Variants in PRAG1 observed in about 807,000 individuals in gnomAD.
The protein encoded by PRAG1 is inactive tyrosine-protein kinase PRAG1.
PRAG1 carries 110 observed loss-of-function variants against 95.6 expected under a neutral mutation model. That is an observed-to-expected ratio of 1.15 (90% confidence interval 0.99 to 1.35). The LOEUF is 1.35. Among genes scored for constraint, PRAG1 ranks in the 40% most tolerant of loss-of-function variants. The pLI is 0.00. For synonymous variants in PRAG1, 1,052 were observed against 819.4 expected (o/e 1.28, Z -4.85); for missense variants, 2,554 against 1,864.7 (o/e 1.37, Z -6.81).
intron 4 of PRAG1, among the ~76,000 whole-genome samples, chr8:8,330,899 G>A (rs1006617674): frequency 2.0e-5 from 3 of 152,190 alleles, no homozygotes; most frequent in Admixed American, 6.5e-5. Context: ...ACCTACTTAT[G>A]AGGCTCTCAA....
chr8:8,323,159 A>G (rs1207094598), intron 5 of PRAG1, among the ~76,000 whole-genome samples: 1 of 152,180 alleles, frequency 6.6e-6, no homozygotes, highest in Non-Finnish European at 1.5e-5. Context: ...AGCTGGAAAC[A>G]TGCACATTGG....
At chr8:8,367,407 G>A (rs1008153054) in intron 3 of PRAG1, among the ~76,000 whole-genome samples, 3 of 120,822 alleles carry the variant, frequency 2.5e-5, no homozygotes, top group African/African-American at 9.5e-5. Context: ...GCAGTGAGCT[G>A]AGGTCGTGCC....
At chr8:8,359,241 C>G (rs548889559) in intron 3 of PRAG1, among the ~76,000 whole-genome samples, 1 of 152,186 alleles carries the variant, frequency 6.6e-6, no homozygotes, top group East Asian at 1.9e-4. Context: ...CTTAATTGCT[C>G]TGATTGAATT....
intron 3 of PRAG1, among the ~76,000 whole-genome samples, chr8:8,346,217 C>T (rs771365462): frequency 1.3e-5 from 2 of 152,238 alleles, no homozygotes; most frequent in Non-Finnish European, 2.9e-5. Flanking sequence ...CTGGTGCAAA[C>T]CATCTGCAAA....
chr8:8,380,822 C>T (rs1419354938), intron 2 of PRAG1, among the ~76,000 whole-genome samples: 4 of 132,392 alleles, frequency 3.0e-5, no homozygotes, highest in African/African-American at 1.2e-4. Context: ...CACTACACTC[C>T]AGCCTGGACG....
At chr8:8,371,879 A>C (rs1042756902) in intron 3 of PRAG1, among the ~76,000 whole-genome samples, 1 of 152,158 alleles carries the variant, frequency 6.6e-6, no homozygotes, top group Non-Finnish European at 1.5e-5. Context: ...CGAAACACAC[A>C]AAAAACAAAG....
chr8:8,332,227 T>G (rs2117126805), intron 4 of PRAG1, among the ~76,000 whole-genome samples: 1 of 151,042 alleles, frequency 6.6e-6, no homozygotes, highest in South Asian at 2.1e-4. Context: ...AATGGTGGGA[T>G]CTCGGCTCAC....
chr8:8,319,176 C>G lies in PRAG1; in HGVS notation c.3199G>C (p.Asp1067His). The G allele has an allele frequency of 1.9e-6, 3 of 1,602,574 alleles. No homozygotes were observed. In the East Asian group the frequency reaches 6.8e-5, roughly 36 times the overall value. ...SVPSSMLSSP[D>H]APKDPVPALP... ...GCAGGCACAGGGTCCTTGGGCGCGT[C>G]GGGGGAGCTGAGCATGCTGGACGGC... Residue 1067 changes from aspartate to histidine, a missense_variant, in exon 6 of 6, where the codon GAC (aspartate) becomes CAC (histidine). Coordinates refer to ENST00000615670, the MANE Select transcript of PRAG1 (RefSeq NM_001080826.3).
intron 4 of PRAG1, among the ~76,000 whole-genome samples, chr8:8,336,908 T>TCCCCCCCCCCCCCCCCCCCC (rs1214780667): frequency 2.0e-5 from 1 of 49,032 alleles, no homozygotes; most frequent in African/African-American, 1.3e-4. Flanking sequence ...CACACCCCTT[T>TCCCCCCCCCCCCCCCCCCCC]CCCCCCTCCC....
At chr8:8,350,109 T>C (rs1379470795) in intron 3 of PRAG1, among the ~76,000 whole-genome samples, 3 of 152,214 alleles carry the variant, frequency 2.0e-5, no homozygotes, top group Non-Finnish European at 4.4e-5. Flanking sequence ...AGAAACATTT[T>C]TTTAAAGATG....
chr8:8,385,542 C>G (rs1800818622), intron 1 of PRAG1, among the ~76,000 whole-genome samples: 1 of 152,174 alleles, frequency 6.6e-6, no homozygotes. Context: ...GGCCAGTGAT[C>G]AGGAAAGCCT....
intron 3 of PRAG1, among the ~76,000 whole-genome samples, chr8:8,375,235 A>C (rs1800346563): frequency 1.3e-5 from 2 of 150,170 alleles, no homozygotes. Context: ...AGACAGTCTC[A>C]CTCTGTCGCC....
chr8:8,328,414 GCTT>G lies in PRAG1; in HGVS notation c.2365_2367del (p.Lys789del). On this transcript the variant is annotated inframe_deletion, in exon 5 of 6. Transcript: ENST00000615670. ...GAAGGAAACGGAACGGGAGCAAAGA[GCTT>G]CTTCCCGCTGTTGGTGGGCGAGTGA... is the stretch of plus-strand genomic sequence containing the variant. The G allele has an allele frequency of 6.2e-7, 1 of 1,613,794 alleles. No homozygotes were observed. The highest frequency in any genetic ancestry group is 8.5e-7 in the Non-Finnish European group (1 of 1,180,026).
intron 5 of PRAG1, among the ~76,000 whole-genome samples, chr8:8,320,163 A>C (rs1485048949): frequency 6.6e-6 from 1 of 152,180 alleles, no homozygotes; most frequent in Non-Finnish European, 1.5e-5. Flanking sequence ...AATTCTCAAG[A>C]AGGCAAATAG....
chr8:8,379,177 C>T (rs1423614499), intron 2 of PRAG1, among the ~76,000 whole-genome samples: 1 of 152,134 alleles, frequency 6.6e-6, no homozygotes, highest in East Asian at 1.9e-4. Flanking sequence ...CCTGGGCTTC[C>T]TCGCTTCTTT....
intron 3 of PRAG1, among the ~76,000 whole-genome samples, chr8:8,349,437 C>T (rs755466697): frequency 2.6e-5 from 4 of 152,044 alleles, no homozygotes; most frequent in Admixed American, 2.0e-4. Context: ...CCCGCCACCT[C>T]GCCAGGCTAA....
intron 3 of PRAG1, among the ~76,000 whole-genome samples, chr8:8,369,565 C>CAACT (rs1800125017): frequency 6.6e-6 from 1 of 152,204 alleles, no homozygotes; most frequent in Admixed American, 6.5e-5. Context: ...TCTCTGTTTA[C>CAACT]AACTGCCCAT....
At chr8:8,372,980 G>C (rs1800260536) in intron 3 of PRAG1, among the ~76,000 whole-genome samples, 1 of 152,324 alleles carries the variant, frequency 6.6e-6, no homozygotes, top group African/African-American at 2.4e-5. Flanking sequence ...GTGAGCGTAG[G>C]TAACGCACAT....
intron 1 of PRAG1, among the ~76,000 whole-genome samples, chr8:8,382,468 G>C (rs1413000756): frequency 6.6e-6 from 1 of 152,102 alleles, no homozygotes; most frequent in Non-Finnish European, 1.5e-5. Context: ...AATATCCCTT[G>C]CTTAATATAC....
Sources: gnomAD v4.1 joint callset for allele counts (sites outside exome capture counted in the v4.1 genomes callset) on GRCh38, gnomAD v4.1.1 for gene constraint, MANE v1.5 for transcripts, NCBI Gene and HGNC (gene_info 2026-07-23, HGNC 2026-07-21) for gene names.